Variants in SNTG1 observed in about 807,000 individuals in gnomAD.
The protein encoded by SNTG1 is syntrophin gamma 1.
SNTG1 carries 39 observed loss-of-function variants against 74.7 expected under a neutral mutation model. The ratio of observed to expected loss-of-function variants is 0.52; its 90% CI spans 0.40 to 0.68. SNTG1 has a LOEUF of 0.68. Ranked by LOEUF, SNTG1 falls within the 30% of genes least tolerant of loss-of-function variation. The probability of loss-of-function intolerance (pLI) is 0.00; values close to 1 mark genes in which losing one functional copy is unlikely to be tolerated. For missense variants in SNTG1, 685 were observed against 609.5 expected (o/e 1.12, Z -1.30); for synonymous variants, 254 against 217.1 (o/e 1.17, Z -1.49).
At chr8:50,780,888 A>T (rs1199272542) in intron 18 of SNTG1, among the ~76,000 whole-genome samples, 1 of 152,086 alleles carries the variant, frequency 6.6e-6, no homozygotes, top group Non-Finnish European at 1.5e-5. Flanking sequence ...TGGCCCAGAG[A>T]TTCTGGTATA....
chr8:49,989,191 C>A (rs943483967), intron 1 of SNTG1, among the ~76,000 whole-genome samples: 1 of 151,734 alleles, frequency 6.6e-6, no homozygotes, highest in Admixed American at 6.6e-5. Flanking sequence ...TTTCTAAAAT[C>A]GACAAACTTT....
At chr8:50,553,301 C>A in intron 12 of SNTG1, 122 bp downstream of exon 12, 2 of 1,278,354 alleles carry the variant, frequency 1.6e-6, no homozygotes, top group Non-Finnish European at 2.1e-6. Flanking sequence ...TTCATGAAAG[C>A]TATTCTGGAA....
intron 8 of SNTG1, among the ~76,000 whole-genome samples, chr8:50,495,976 C>T (rs528328548): frequency 6.3e-4 from 96 of 152,164 alleles, no homozygotes; most frequent in African/African-American, 2.2e-3. Flanking sequence ...TCCTTCAGTT[C>T]GTAAATGACT....
intron 8 of SNTG1, chr8:50,458,089 C>T (rs2093524285): frequency 6.6e-6 from 1 of 152,010 alleles, no homozygotes; most frequent in Non-Finnish European, 1.5e-5. Context: ...AATCCTGTAC[C>T]CAACGCTGTC....
chr8:50,454,885 T>C (rs1414956610), intron 8 of SNTG1, among the ~76,000 whole-genome samples: 1 of 147,506 alleles, frequency 6.8e-6, no homozygotes, highest in Admixed American at 6.8e-5. Flanking sequence ...TGAAAAGCAC[T>C]GAGACTGAGT....
At chr8:50,152,976 C>G (rs1361592626) in intron 1 of SNTG1, among the ~76,000 whole-genome samples, 1 of 152,184 alleles carries the variant, frequency 6.6e-6, no homozygotes, top group Non-Finnish European at 1.5e-5. Flanking sequence ...GGGAAGTTCT[C>G]CTGGATAATA....
chr8:49,939,079 T>G (rs2129371607), intron 1 of SNTG1, among the ~76,000 whole-genome samples: 1 of 152,286 alleles, frequency 6.6e-6, no homozygotes, highest in East Asian at 1.9e-4. Context: ...CGATTCAAAA[T>G]GTTTTCACAT....
chr8:50,676,462 G>A (rs529007534), intron 15 of SNTG1, among the ~76,000 whole-genome samples: 11 of 151,972 alleles, frequency 7.2e-5, no homozygotes, highest in South Asian at 2.1e-4. Context: ...GCTGTGTTAC[G>A]CAGCACCATC....
chr8:50,743,371 A>G (rs1694283476), intron 17 of SNTG1, among the ~76,000 whole-genome samples: 1 of 152,018 alleles, frequency 6.6e-6, no homozygotes, highest in South Asian at 2.1e-4. Flanking sequence ...TCAATGTAAT[A>G]CAACACCTTA....
At chr8:49,938,643 C>CTTTCTTTCTTTCTTTCTTTCTTT (rs1563371305) in intron 1 of SNTG1, among the ~76,000 whole-genome samples, 1 of 106,266 alleles carries the variant, frequency 9.4e-6, no homozygotes, top group South Asian at 3.1e-4. Flanking sequence ...TTCTTTCTTT[C>CTTTCTTTCTTTCTTTCTTTCTTT]CTTCCTCTCT....
chr8:50,185,662 G>A (rs2083352804), intron 2 of SNTG1, among the ~76,000 whole-genome samples: 1 of 152,080 alleles, frequency 6.6e-6, no homozygotes, highest in East Asian at 1.9e-4. Flanking sequence ...AATTGGTTAA[G>A]AGAAATCACA....
chr8:49,916,960 G>A (rs1181023213), intron 1 of SNTG1, among the ~76,000 whole-genome samples: 2 of 151,974 alleles, frequency 1.3e-5, no homozygotes, highest in Non-Finnish European at 2.9e-5. Flanking sequence ...AGCAGTTTGA[G>A]GCTGCAGTGA....
intron 2 of SNTG1, among the ~76,000 whole-genome samples, chr8:50,298,432 T>C (rs891135067): frequency 6.6e-6 from 1 of 152,096 alleles, no homozygotes; most frequent in East Asian, 1.9e-4. Flanking sequence ...CTTATTCCCT[T>C]TGTAAGCAGA....
intron 1 of SNTG1, among the ~76,000 whole-genome samples, chr8:49,976,259 T>A (rs1812181292): frequency 1.3e-5 from 2 of 152,170 alleles, no homozygotes; most frequent in South Asian, 2.1e-4. Context: ...GAAAATAAGT[T>A]TTTTTTGTTT....
chr8:50,035,923 T>C, intron 1 of SNTG1, among the ~76,000 whole-genome samples: 1 of 152,074 alleles, frequency 6.6e-6, no homozygotes, highest in Non-Finnish European at 1.5e-5. Context: ...GAAGGACAGC[T>C]TGGTGAAGGC....
At chr8:50,167,483 A>G (rs2082661810) in intron 1 of SNTG1, among the ~76,000 whole-genome samples, 2 of 151,802 alleles carry the variant, frequency 1.3e-5, no homozygotes, top group South Asian at 2.1e-4. Flanking sequence ...GACCGTGATT[A>G]TATGTAATGG....
chr8:50,418,352 C>A (rs1341712721), intron 4 of SNTG1, among the ~76,000 whole-genome samples: 1 of 152,042 alleles, frequency 6.6e-6, no homozygotes, highest in Non-Finnish European at 1.5e-5. Flanking sequence ...TTCTTGGGTA[C>A]CCTGCATTCC....
At chr8:50,400,597 A>G (rs1031308356) in intron 3 of SNTG1, among the ~76,000 whole-genome samples, 3 of 152,190 alleles carry the variant, frequency 2.0e-5, no homozygotes, top group African/African-American at 4.8e-5. Context: ...TAAGGGATAT[A>G]CTAATTTACA....
chr8:50,200,852 T>A (rs2083960555), intron 2 of SNTG1, among the ~76,000 whole-genome samples: 1 of 152,050 alleles, frequency 6.6e-6, no homozygotes. Context: ...AAAAAAAACC[T>A]CTAAGTATAA....
Sources: gnomAD v4.1 joint callset for allele counts (sites outside exome capture counted in the v4.1 genomes callset) on GRCh38, gnomAD v4.1.1 for gene constraint, MANE v1.5 for transcripts, NCBI Gene and HGNC (gene_info 2026-07-23, HGNC 2026-07-21) for gene names.